The following ZCCHC4 variants were observed in gnomAD, a reference collection of about 807,000 sequenced individuals.
ZCCHC4 encodes the protein rRNA N(6)-adenosine-methyltransferase ZCCHC4.
A neutral mutation model predicts 67.7 loss-of-function variants in ZCCHC4; 54 were observed. The ratio of observed to expected loss-of-function variants is 0.80; its 90% CI spans 0.64 to 1.00. ZCCHC4 has a LOEUF of 1.00. Among genes scored for constraint, ZCCHC4 ranks in the 50% least tolerant of loss-of-function variants. ZCCHC4 has a pLI of 0.00. For missense variants in ZCCHC4, 609 were observed against 617.0 expected, an observed-to-expected ratio of 0.99 and a Z score of 0.14; for synonymous variants, 198 against 213.5, an observed-to-expected ratio of 0.93 and a Z score of 0.63.
At chr4:25,317,404 T>C (rs902392157) in intron 3 of ZCCHC4, among the ~76,000 whole-genome samples, 7 of 152,042 alleles carry the variant, frequency 4.6e-5, no homozygotes, top group African/African-American at 1.7e-4. Context: ...CCAAAACATC[T>C]TGAAAAGGGA....
At chr4:25,344,378 C>T (rs1056475509) in intron 5 of ZCCHC4, among the ~76,000 whole-genome samples, 13 of 147,188 alleles carry the variant, frequency 8.8e-5, no homozygotes, top group South Asian at 2.1e-4. Flanking sequence ...AACCAAACAC[C>T]GCATGTTCTC....
At chr4:25,338,815 G>T (rs1209979761) in intron 5 of ZCCHC4, among the ~76,000 whole-genome samples, 2 of 152,106 alleles carry the variant, frequency 1.3e-5, no homozygotes, top group Non-Finnish European at 2.9e-5. Flanking sequence ...ATGGACACTT[G>T]AGTTGCTTCC....
intron 6 of ZCCHC4, among the ~76,000 whole-genome samples, chr4:25,348,687 A>C (rs1560411439): frequency 6.6e-6 from 1 of 152,006 alleles, no homozygotes; most frequent in Non-Finnish European, 1.5e-5. Context: ...TATATCAGGG[A>C]CTCTAGCACC....
chr4:25,313,354 T>G (rs879008), intron 1 of ZCCHC4, among the ~76,000 whole-genome samples: 67,357 of 152,008 alleles, frequency 0.44, 16,661 homozygotes, highest in Non-Finnish European at 0.56. Context: ...AAGTGGGCGT[T>G]TCCAGCTCAA....
chr4:25,333,904 T>G lies in ZCCHC4; in HGVS notation c.606-4T>G. The G allele has an allele frequency of 6.3e-7, 1 of 1,583,254 alleles. No individual in the cohort carries two copies. The highest frequency in any genetic ancestry group is 8.5e-7 in the Non-Finnish European group (1 of 1,170,486). On this transcript the variant is annotated splice_region_variant and splice_polypyrimidine_tract_variant and intron_variant, in intron 4 of 12. Transcript: ENST00000302874. Reference sequence around the variant, plus strand: ...ATTACATTTGCTTTCACTAATTGCTTTAGGTTGCATGAGCTGATCAAGTTG... The same window carrying G: ...ATTACATTTGCTTTCACTAATTGCTGTAGGTTGCATGAGCTGATCAAGTTG...
rs113889759 is a variant in ZCCHC4 at position 25,324,175 on chromosome 4, A to ATT, written c.329+8788_329+8789dup. On this transcript the variant is annotated intron_variant, in intron 3 of 12. Coordinates refer to ENST00000302874, the MANE Select transcript of ZCCHC4 (RefSeq NM_024936.3). ...TACAGGTGCACACCATGCCTGGCTAATTTTTTTTTTTTTTGTATTTTAGTG... is the reference window on the plus strand; with the variant it reads ...TACAGGTGCACACCATGCCTGGCTAATTTTTTTTTTTTTTTTGTATTTTAGTG... 6.2e-3 allele frequency among the ~76,000 whole-genome samples: 891 copies of ATT among 142,868 alleles called. 8 individuals are homozygous for ATT. The highest frequency in any genetic ancestry group is 0.022 in the African/African-American group (833 of 38,376). The allele number at this position is 142,868 out of a possible 152,430, so 93.7% of individuals were successfully genotyped here. A position where few individuals can be genotyped will look rare whatever the true frequency, so the allele number is the denominator to read the frequency against.
Position 25,349,626 on chromosome 4 carries a change from A to C in ZCCHC4, c.894A>C (p.Lys298Asn). Residue 298 changes from lysine (K) to asparagine (N), a missense_variant, in exon 7 of 13, where the codon AAA (lysine) becomes AAC (asparagine). Coordinates refer to ENST00000302874, the MANE Select transcript of ZCCHC4 (RefSeq NM_024936.3). ...ITFKKLIAMW[K>N]EGQSQDDSHK... ...TCAAGAAGTTAATTGCTATGTGGAA[A>C]GAAGGTCAAAGCCAAGGTGTATAAT... The C allele has an allele frequency of 6.2e-7, 1 of 1,613,928 alleles. No homozygotes were observed. Among genetic ancestry groups the C allele is most frequent in the Non-Finnish European group, 8.5e-7 (1 of 1,179,870 alleles).
intron 12 of ZCCHC4, among the ~76,000 whole-genome samples, chr4:25,367,253 A>G (rs754626638): frequency 5.9e-5 from 9 of 152,216 alleles, no homozygotes; most frequent in African/African-American, 1.9e-4. Flanking sequence ...ATAAATACCT[A>G]TAATTTAAAG....
At chr4:25,357,544 T>C (rs978173115) in intron 8 of ZCCHC4, among the ~76,000 whole-genome samples, 1 of 152,178 alleles carries the variant, frequency 6.6e-6, no homozygotes, top group Admixed American at 6.5e-5. Flanking sequence ...TTTTTCCCAC[T>C]GCTGAAGCTT....
chr4:25,331,132 C>CAGCT (rs1367945400), intron 3 of ZCCHC4, among the ~76,000 whole-genome samples: 3 of 152,196 alleles, frequency 2.0e-5, no homozygotes, highest in Non-Finnish European at 4.4e-5. Flanking sequence ...GGAAGCTGGG[C>CAGCT]AGCTGTACCA....
At position 25,332,292 on chromosome 4, in the gene ZCCHC4, C is replaced by T. The variant is rs1476338369; in HGVS notation, c.330-891C>T. On this transcript the variant is annotated intron_variant, in intron 3 of 12. Transcript: ENST00000302874. ...CACGGCACTCTAGCCTGGGTGACTC[C>T]ATCTCAAAAAAAAAAAAAAAAAAAA... 1.1e-4 allele frequency among the ~76,000 whole-genome samples: 10 copies of T among 93,172 alleles called. No individual in the cohort carries two copies. In the Admixed American group the frequency reaches 1.1e-3, roughly 10 times the overall value. 61.1% of individuals were successfully genotyped at this position (93,172 alleles called of 152,430 possible).
chr4:25,328,395 A>G (rs1197928307), intron 3 of ZCCHC4, among the ~76,000 whole-genome samples: 1 of 151,970 alleles, frequency 6.6e-6, no homozygotes. Context: ...ACCCACCACC[A>G]TGCCCAGCTA....
intron 8 of ZCCHC4, among the ~76,000 whole-genome samples, chr4:25,356,154 C>T (rs1307632914): frequency 6.6e-6 from 1 of 152,178 alleles, no homozygotes; most frequent in Non-Finnish European, 1.5e-5. Context: ...CATTTCTATA[C>T]AGTACTTCAT....
intron 3 of ZCCHC4, among the ~76,000 whole-genome samples, chr4:25,316,833 T>A (rs964558329): frequency 1.3e-5 from 2 of 152,182 alleles, no homozygotes; most frequent in African/African-American, 4.8e-5. Context: ...ATTTATCAAT[T>A]TTTTTTGTTG....
chr4:25,312,852 G>A lies in ZCCHC4; in HGVS notation c.43G>A (p.Gly15Ser), dbSNP rs1402067952. ...TGGGTTTGAAGCCGTGGAGGCAGAG[G>A]GCAGCGCAGGGTGCCGGGGAAGCTC... ...RNGFEAVEAE[G>S]SAGCRGSSGM... The change falls in exon 1 of 13, where the codon GGC becomes AGC. Residue 15 changes from glycine (G) to serine (S), a missense_variant. By Grantham distance (56) the Gly-to-Ser change is moderately conservative. Transcript: ENST00000302874. 6.2e-7 allele frequency: 1 copy of A among 1,613,140 alleles called. No homozygotes were observed. Among genetic ancestry groups the A allele is most frequent in the African/African-American group, 1.3e-5 (1 of 74,888 alleles).
At chr4:25,319,301 C>T (rs890547691) in intron 3 of ZCCHC4, among the ~76,000 whole-genome samples, 2 of 151,848 alleles carry the variant, frequency 1.3e-5, no homozygotes, top group Admixed American at 6.6e-5. Flanking sequence ...AGGAGAATGG[C>T]GTGAACCTGG....
chr4:25,348,143 G>C (rs1238735704), intron 6 of ZCCHC4, among the ~76,000 whole-genome samples: 1 of 152,020 alleles, frequency 6.6e-6, no homozygotes, highest in Non-Finnish European at 1.5e-5. Flanking sequence ...CCTTGTTCTT[G>C]TAAGCAGGTT....
chr4:25,350,672 G>A (rs993162913), intron 7 of ZCCHC4, among the ~76,000 whole-genome samples: 8 of 152,154 alleles, frequency 5.3e-5, no homozygotes, highest in Admixed American at 3.3e-4. Flanking sequence ...TTGTGATCAT[G>A]CTTCTCCACT....
At position 25,361,921 on chromosome 4, in the gene ZCCHC4, G is replaced by A. The variant is rs1270961379; in HGVS notation, c.1074G>A (p.Val358=). 1 of 1,613,836 alleles carries A rather than the reference G, an allele frequency of 6.2e-7. No homozygotes were observed. Among genetic ancestry groups the A allele is most frequent in the Non-Finnish European group, 8.5e-7 (1 of 1,179,918 alleles). ...AGACAGGTCGAAAACAGTCTCCCGTGCGTATTTTCACCAACATTCCGCCCA... is the reference window on the plus strand; with the variant it reads ...AGACAGGTCGAAAACAGTCTCCCGTACGTATTTTCACCAACATTCCGCCCA... ...HGKTGRKQSP[V]RIFTNIPPNK... The change falls in exon 9 of 13, where the codon GTG becomes GTA. Residue 358 remains valine (V), a synonymous_variant. Transcript: ENST00000302874.
Sources: gnomAD v4.1 joint callset for allele counts (sites outside exome capture counted in the v4.1 genomes callset) on GRCh38, gnomAD v4.1.1 for gene constraint, MANE v1.5 for transcripts, NCBI Gene and HGNC (gene_info 2026-07-23, HGNC 2026-07-21) for gene names.